ATP8B3: variants seen among roughly 807,000 people sequenced by gnomAD.
ATP8B3 encodes ATPase phospholipid transporting 8B3.
ATP8B3 carries 141 observed loss-of-function variants against 140.9 expected under a neutral mutation model. The ratio of observed to expected loss-of-function variants is 1.00; its 90% confidence interval spans 0.87 to 1.15. ATP8B3 has a LOEUF of 1.15. Ranked by LOEUF, ATP8B3 falls within the 50% of genes most tolerant of loss-of-function variation. The pLI, the probability that ATP8B3 is intolerant of heterozygous loss-of-function variation, is 0.00. For missense variants in ATP8B3, 1,874 were observed against 1,740.6 expected, an observed-to-expected ratio of 1.08 and a Z score of -1.36; for synonymous variants, 765 against 714.6, an observed-to-expected ratio of 1.07 and a Z score of -1.13.
chr19:1,811,165 T>G (rs116839750), intron 2 of ATP8B3, among the ~76,000 whole-genome samples: 1 of 152,162 alleles, frequency 6.6e-6, no homozygotes, highest in Non-Finnish European at 1.5e-5. Flanking sequence ...CCCCGGGCTA[T>G]ATGTTATATC....
chr19:1,783,735 C>T (rs539310949), intron 28 of ATP8B3, among the ~76,000 whole-genome samples: 11 of 152,340 alleles, frequency 7.2e-5, no homozygotes, highest in African/African-American at 2.4e-4. Context: ...GCAGGGAGAA[C>T]AGAGGTGGCA....
intron 10 of ATP8B3, 26 bp from the exon 11 acceptor site, chr19:1,802,671 G>A (rs1325913723): frequency 6.3e-7 from 1 of 1,598,550 alleles, no homozygotes; most frequent in East Asian, 2.3e-5. Flanking sequence ...TGGTCAGTGG[G>A]TCAGTGGGCT....
Position 1,795,950 on chromosome 19 carries a change from C to T in ATP8B3, c.1980G>A (p.Lys660=), listed in dbSNP as rs781632928. The change falls in exon 18 of 29, where the codon AAG becomes AAA. Residue 660 remains lysine (K), a synonymous_variant. Transcript: ENST00000310127. Reference sequence around the variant, plus strand: ...GTTCGAAGATGACCGTGTCGGCGCCCTTGGTGTACAGGCAGATGGCGCCCT... The same window carrying T: ...GTTCGAAGATGACCGTGTCGGCGCCTTTGGTGTACAGGCAGATGGCGCCCT... The part of the protein sequence containing the change: ...KPEGAICLYT[K]GADTVIFERL... The T allele has an allele frequency of 6.2e-7, 1 of 1,613,312 alleles. No individual in the cohort carries two copies. The highest frequency in any genetic ancestry group is 1.1e-5 in the South Asian group (1 of 91,088).
chr19:1,792,264 C>G, intron 18 of ATP8B3, 129 bp from the exon 19 acceptor site: 1 of 1,110,876 alleles, frequency 9.0e-7, no homozygotes, highest in Non-Finnish European at 1.2e-6. Flanking sequence ...CCCCAGCCAA[C>G]AGCAGCCAGA....
intron 21 of ATP8B3, 49 bp downstream of exon 21, chr19:1,790,708 C>G: frequency 7.3e-7 from 1 of 1,365,630 alleles, no homozygotes. Context: ...TGCTCCTTGT[C>G]CTCACCTCCC....
rs1339404539 is a variant in ATP8B3 at position 1,805,974 on chromosome 19, G to C, written c.751-16C>G. On this transcript the variant is annotated splice_polypyrimidine_tract_variant and intron_variant, in intron 8 of 28. Coordinates refer to ENST00000310127, the MANE Select transcript of ATP8B3 (RefSeq NM_138813.4). This position sits in a 1 kb window ranked among gnomAD's most constrained non-coding sequence, Gnocchi z 5.2. Reference sequence around the variant, plus strand: ...GCATGTCGGCCTGGTGTGGAGTGGGGGGCAGCGTTGCAAGAGGGGATGCAA... The same window carrying C: ...GCATGTCGGCCTGGTGTGGAGTGGGCGGCAGCGTTGCAAGAGGGGATGCAA... The C allele has an allele frequency of 6.2e-7, 1 of 1,612,428 alleles. No homozygotes were observed. The highest frequency in any genetic ancestry group is 8.5e-7 in the Non-Finnish European group (1 of 1,179,818).
chr19:1,792,228 G>T, intron 18 of ATP8B3, 93 bp from the exon 19 acceptor site: 1 of 1,390,376 alleles, frequency 7.2e-7, no homozygotes, highest in Non-Finnish European at 9.5e-7. Flanking sequence ...CGGAGCCTGG[G>T]TCCCCCAACC....
Position 1,796,168 on chromosome 19 carries a change from G to A in ATP8B3, c.1851C>T (p.Thr617=), listed in dbSNP as rs371916781. ...GYVFLSRTQD[T]VTIMELGEER... is the part of the protein sequence containing the mutation. ...CCTCCCCCAGCTCCATGATCGTGAC[G>A]GTGTCCTGGGTGCGGGACAGGAACA... The change falls in exon 17 of 29, where the codon ACC becomes ACT. Residue 617 remains threonine, a synonymous_variant. Transcript: ENST00000310127. The A allele has an allele frequency of 2.7e-5, 44 of 1,612,914 alleles. No individual in the cohort carries two copies. Among genetic ancestry groups the A allele is most frequent in the Admixed American group, 5.0e-5 (3 of 60,016 alleles).
intron 2 of ATP8B3, among the ~76,000 whole-genome samples, chr19:1,811,146 G>A (rs528414558): frequency 1.3e-5 from 2 of 152,290 alleles, no homozygotes; most frequent in Non-Finnish European, 2.9e-5. Flanking sequence ...TTCACTGACT[G>A]AATGGGACCC....
Position 1,789,352 on chromosome 19 carries a change from G to A in ATP8B3, c.2845+9C>T, listed in dbSNP as rs766393050. Reference sequence around the variant, plus strand: ...CCCAGGCACCCCCAGCCCCGCCGCCGCCACCCACTCTTGATCATGTTGATG... The same window carrying A: ...CCCAGGCACCCCCAGCCCCGCCGCCACCACCCACTCTTGATCATGTTGATG... On this transcript the variant is annotated intron_variant, in intron 23 of 28. Transcript: ENST00000310127. The A allele has an allele frequency of 2.4e-5, 33 of 1,378,628 alleles. No homozygotes were observed. The highest frequency in any genetic ancestry group is 4.8e-5 in the African/African-American group (3 of 61,856). The allele number at this position is 1,378,628 out of a possible 1,614,324, so 85.4% of individuals were successfully genotyped here.
chr19:1,783,312 C>T (rs1449818045), intron 28 of ATP8B3, 42 bp from the exon 29 acceptor site: 1 of 1,581,964 alleles, frequency 6.3e-7, no homozygotes, highest in Non-Finnish European at 8.6e-7. Flanking sequence ...GACTCCTATG[C>T]TTGGCTGATG....
chr19:1,805,925 T>C lies in ATP8B3; in HGVS notation c.784A>G (p.Ser262Gly), dbSNP rs2068999050. 1.2e-6 allele frequency: 2 copies of C among 1,612,712 alleles called. No individual in the cohort carries two copies. The highest frequency in any genetic ancestry group is 1.3e-5 in the African/African-American group (1 of 74,904). ...DMLLLASTEP[S>G]SLCYVETVDI... ...ACCGTCTCCACATAGCACAGGCTGC[T>C]GGGCTCCGTGCTGGCCAGCAAGAGC... The change falls in exon 9 of 29, where the codon AGC becomes GGC. Residue 262 changes from serine (S) to glycine (G), a missense_variant. This residue lies in a region of ATP8B3 where 1,032 missense variants were observed against 963.6 expected (regional missense o/e 1.07). Coordinates refer to ENST00000310127, the MANE Select transcript of ATP8B3 (RefSeq NM_138813.4). This position sits in a 1 kb window ranked among gnomAD's most constrained non-coding sequence, Gnocchi z 5.2.
chr19:1,792,204 C>G lies in ATP8B3; in HGVS notation c.2056-69G>C, dbSNP rs149194446. 3.4e-3 allele frequency: 4,915 copies of G among 1,461,908 alleles called. 9 individuals are homozygous for G. The highest frequency in any genetic ancestry group is 4.0e-3 in the Non-Finnish European group (4,441 of 1,109,002). 90.6% of individuals were successfully genotyped at this position (1,461,908 alleles called of 1,614,324 possible). On this transcript the variant is annotated intron_variant, in intron 18 of 28. Transcript: ENST00000310127. ...CATCCGAGGCTCAGCCCTCCCCAAC[C>G]CCCTGCCGGGCTCCGGAGCCTGGGT...
rs1184652405 is a variant in ATP8B3 at position 1,808,355 on chromosome 19, CTGCCTGGCAGAGGGG to C, written c.403-35_403-21del. On this transcript the variant is annotated intron_variant, in intron 4 of 28. Transcript: ENST00000310127. ...ATTGGTCTGGAACGAGAGCCGCGGG[CTGCCTGGCAGAGGGG>C]TGCCATCCAGGCCAGGGGATGGGGG... The C allele has an allele frequency of 5.7e-6, 9 of 1,592,788 alleles. No individual in the cohort carries two copies. The highest frequency in any genetic ancestry group is 1.3e-5 in the African/African-American group (1 of 74,476).
chr19:1,789,476 G>A lies in ATP8B3; in HGVS notation c.2730C>T (p.Ile910=), dbSNP rs1232162583. The A allele has an allele frequency of 1.9e-6, 3 of 1,597,890 alleles. No individual in the cohort carries two copies. The highest frequency in any genetic ancestry group is 2.5e-6 in the Non-Finnish European group (3 of 1,179,204). ...TCTGCTTGGGCGTCACGCGGCAGCA[G>A]ATGACCGCCTGGCACTTGGACGCCA... ...VDLASKCQAV[I]CCRVTPKQKA... Residue 910 remains isoleucine, a synonymous_variant, in exon 23 of 29, where the codon ATC becomes ATT. Coordinates refer to ENST00000310127, the MANE Select transcript of ATP8B3 (RefSeq NM_138813.4).
intron 18 of ATP8B3, among the ~76,000 whole-genome samples, chr19:1,793,326 C>A (rs986957614): frequency 6.6e-6 from 1 of 152,184 alleles, no homozygotes; most frequent in African/African-American, 2.4e-5. Context: ...TGGTCTCGAA[C>A]TCCAGAGCTC....
intron 16 of ATP8B3, 150 bp downstream of exon 16, chr19:1,796,561 C>G: frequency 9.2e-7 from 1 of 1,083,510 alleles, no homozygotes; most frequent in Non-Finnish European, 1.3e-6. Flanking sequence ...CCCGGACGCC[C>G]TCGAGGTGCG....
In ATP8B3 at chr19:1,792,317, C is replaced by T. The variant is rs113673748; in HGVS notation, c.2056-182G>A. Among the ~76,000 whole-genome samples the T allele has an allele frequency of 8.8e-3, 1,343 of 152,344 alleles. 21 individuals carry two copies. Among genetic ancestry groups the T allele is most frequent in the African/African-American group, 0.028 (1,165 of 41,578 alleles). ...GTCTGAGGCCGGGTACGGTGGCTCACGCCTGCAATCCCAGCACTTTGGGAG... is the reference window on the plus strand; with the variant it reads ...GTCTGAGGCCGGGTACGGTGGCTCATGCCTGCAATCCCAGCACTTTGGGAG... On this transcript the variant is annotated intron_variant, in intron 18 of 28. Transcript: ENST00000310127.
In ATP8B3 at chr19:1,811,599, A is replaced by C; in HGVS notation, c.138T>G (p.Gly46=). The C allele has an allele frequency of 1.2e-6, 2 of 1,611,860 alleles. No homozygotes were observed. The highest frequency in any genetic ancestry group is 2.7e-5 in the African/African-American group (2 of 74,900). ...EGSGPAGIRG[G]ETVIRAGMGD... is the part of the protein sequence containing the mutation. ...CCATCCCAGCTCTGATCACCGTCTC[A>C]CCTCCGCGGATGCCAGCAGGACCTG... is the stretch of plus-strand genomic sequence containing the variant. Residue 46 remains glycine, a synonymous_variant, in exon 2 of 29, where the codon GGT becomes GGG. Coordinates refer to ENST00000310127, the MANE Select transcript of ATP8B3 (RefSeq NM_138813.4).
Sources: allele counts gnomAD v4.1 joint callset (sites outside exome capture counted in the v4.1 genomes callset), GRCh38; gene constraint gnomAD v4.1.1; regional missense constraint gnomAD v4.1.1; non-coding constraint Gnocchi (gnomAD v3.1); transcripts MANE v1.5; gene names NCBI Gene and HGNC (gene_info 2026-07-23, HGNC 2026-07-21).